The following PTPRD variants were observed in gnomAD, a reference collection of about 807,000 sequenced individuals.
The protein encoded by PTPRD is receptor-type tyrosine-protein phosphatase delta.
PTPRD carries 34 observed loss-of-function variants against 214.5 expected under a neutral mutation model. The ratio of observed to expected loss-of-function variants is 0.16; its 90% CI spans 0.12 to 0.21. The LOEUF (loss-of-function observed/expected upper bound fraction) is 0.21. Among genes scored for constraint, PTPRD ranks in the 10% least tolerant of loss-of-function variants. The pLI is 1.00. For missense variants in PTPRD, 2,545 were observed against 2,398.7 expected (o/e 1.06, Z -1.27); for synonymous variants, 1,128 against 845.7 (o/e 1.33, Z -5.79).
At chr9:9,407,316 G>A (rs926511211) in intron 8 of PTPRD, among the ~76,000 whole-genome samples, 5 of 151,460 alleles carry the variant, frequency 3.3e-5, no homozygotes, top group African/African-American at 9.7e-5. Flanking sequence ...AATATACAAT[G>A]GTGAATTCAT....
chr9:9,026,819 T>C (rs1163275302), intron 10 of PTPRD, among the ~76,000 whole-genome samples: 1 of 151,864 alleles, frequency 6.6e-6, no homozygotes, highest in Non-Finnish European at 1.5e-5. Context: ...TCTCATTCTC[T>C]ACCGACCCCA....
rs146283136 is a variant in PTPRD, at chr9:9,691,988, G to A, written c.-287+42545C>T. 3.4e-4 allele frequency among the ~76,000 whole-genome samples: 51 copies of A among 151,848 alleles called. No homozygotes were observed. In the East Asian group the frequency reaches 6.6e-3, roughly 20 times the overall value. On this transcript the variant is annotated intron_variant, in intron 7 of 45. Transcript: ENST00000381196. ...ATCAGATTATGAGATCTTTTCCTTTGGGATTGTTTGAACTCCATATATACT... is the reference window on the plus strand; with the variant it reads ...ATCAGATTATGAGATCTTTTCCTTTAGGATTGTTTGAACTCCATATATACT...
At chr9:9,868,517 G>C (rs1286560232) in intron 5 of PTPRD, among the ~76,000 whole-genome samples, 2 of 151,902 alleles carry the variant, frequency 1.3e-5, no homozygotes, top group African/African-American at 2.4e-5. Flanking sequence ...TTTGGAGGTA[G>C]ATTCAGGAAA....
At chr9:8,784,942 T>A in intron 11 of PTPRD, among the ~76,000 whole-genome samples, 1 of 152,022 alleles carries the variant, frequency 6.6e-6, no homozygotes, top group East Asian at 1.9e-4. Flanking sequence ...AAGGTCAAAT[T>A]TTCTTCAAGT....
intron 3 of PTPRD, among the ~76,000 whole-genome samples, chr9:10,135,244 T>C (rs2154261812): frequency 6.6e-6 from 1 of 152,168 alleles, no homozygotes; most frequent in East Asian, 1.9e-4. Flanking sequence ...AAATCAAACC[T>C]AAGACAAACT....
chr9:8,880,609 T>C (rs1312950107), intron 11 of PTPRD, among the ~76,000 whole-genome samples: 2 of 152,184 alleles, frequency 1.3e-5, no homozygotes, highest in Non-Finnish European at 2.9e-5. Context: ...ATAGACCAGG[T>C]ATACTGCACC....
chr9:8,919,834 A>G (rs1457199269), intron 11 of PTPRD, among the ~76,000 whole-genome samples: 2 of 152,044 alleles, frequency 1.3e-5, no homozygotes, highest in African/African-American at 4.8e-5. Context: ...ATACATGCAT[A>G]CATACGTGCA....
intron 7 of PTPRD, among the ~76,000 whole-genome samples, chr9:9,723,823 T>C (rs975379498): frequency 8.5e-5 from 13 of 152,150 alleles, no homozygotes; most frequent in African/African-American, 2.7e-4. Context: ...TCATTACGAA[T>C]GTATAGAAAT....
At chr9:9,601,269 A>G (rs2093748075) in intron 7 of PTPRD, among the ~76,000 whole-genome samples, 1 of 151,978 alleles carries the variant, frequency 6.6e-6, no homozygotes, top group Non-Finnish European at 1.5e-5. Context: ...TTGCATGGTC[A>G]AAGATGAAGC....
At chr9:9,050,763 A>G (rs1376129060) in intron 10 of PTPRD, among the ~76,000 whole-genome samples, 2 of 152,072 alleles carry the variant, frequency 1.3e-5, no homozygotes, top group Non-Finnish European at 2.9e-5. Context: ...TCAAGCACTC[A>G]TTTTATCTTT....
At position 8,756,432 on chromosome 9, in the gene PTPRD, T is replaced by C. The variant is rs543764463; in HGVS notation, c.-103-22486A>G. On this transcript the variant is annotated intron_variant, in intron 11 of 45. Transcript: ENST00000381196. ...GTAACATGCATGGAATAATCTTATT[T>C]TGCAAGATGCATAAAAAACAATACA... is the stretch of plus-strand genomic sequence containing the variant. Among the ~76,000 whole-genome samples the C allele has an allele frequency of 2.0e-5, 3 of 152,328 alleles. No individual in the cohort carries two copies. In the South Asian group the frequency reaches 6.2e-4, roughly 32 times the overall value.
At chr9:9,571,959 T>A (rs1218351435) in intron 8 of PTPRD, among the ~76,000 whole-genome samples, 2 of 151,218 alleles carry the variant, frequency 1.3e-5, no homozygotes, top group African/African-American at 4.8e-5. Flanking sequence ...TAAACGATAT[T>A]ATGGTTTAGA....
intron 10 of PTPRD, among the ~76,000 whole-genome samples, chr9:9,053,379 T>C (rs929772553): frequency 6.0e-5 from 9 of 149,184 alleles, no homozygotes; most frequent in African/African-American, 2.2e-4. Flanking sequence ...GTTGTTATGA[T>C]GGCCAATGAT....
chr9:8,842,637 C>A (rs1214897416), intron 11 of PTPRD, among the ~76,000 whole-genome samples: 1 of 152,142 alleles, frequency 6.6e-6, no homozygotes, highest in Non-Finnish European at 1.5e-5. Context: ...CTCATTCCCA[C>A]CAAACTGTCA....
chr9:8,787,774 A>G (rs1353564133), intron 11 of PTPRD, among the ~76,000 whole-genome samples: 1 of 151,778 alleles, frequency 6.6e-6, no homozygotes, highest in African/African-American at 2.4e-5. Flanking sequence ...ATGTGTACTG[A>G]CTCTACCCTT....
chr9:10,512,030 GTATATATATA>G (rs60793476), intron 2 of PTPRD, among the ~76,000 whole-genome samples: 2 of 82,508 alleles, frequency 2.4e-5, no homozygotes, highest in Non-Finnish European at 4.5e-5. Flanking sequence ...ATATATATAT[GTATATATATA>G]TATACACACA....
At chr9:8,687,270 A>G (rs1254232569) in intron 12 of PTPRD, among the ~76,000 whole-genome samples, 1 of 152,244 alleles carries the variant, frequency 6.6e-6, no homozygotes, top group Non-Finnish European at 1.5e-5. Context: ...CTTTCTTTCA[A>G]GATCTCCCAA....
At chr9:8,845,757 G>A (rs1037710513) in intron 11 of PTPRD, among the ~76,000 whole-genome samples, 22 of 152,294 alleles carry the variant, frequency 1.4e-4, no homozygotes, top group African/African-American at 4.8e-4. Flanking sequence ...TGCTTCACCA[G>A]GCACATTTAC....
chr9:9,558,518 A>G (rs1453274251), intron 8 of PTPRD, among the ~76,000 whole-genome samples: 1 of 152,138 alleles, frequency 6.6e-6, no homozygotes, highest in Non-Finnish European at 1.5e-5. Flanking sequence ...TGATACATAG[A>G]CAGGCTTGAC....
Sources: allele counts gnomAD v4.1 joint callset (sites outside exome capture counted in the v4.1 genomes callset), GRCh38; gene constraint gnomAD v4.1.1; transcripts MANE v1.5; gene names NCBI Gene and HGNC (gene_info 2026-07-23, HGNC 2026-07-21).